The following HERC6 variants were observed in gnomAD, a reference collection of about 807,000 sequenced individuals.
The protein encoded by HERC6 is probable E3 ubiquitin-protein ligase HERC6.
In HERC6, 101 loss-of-function variants were observed where a neutral mutation model predicts 114.5. The ratio of observed to expected loss-of-function variants is 0.88; its 90% confidence interval spans 0.75 to 1.04. The LOEUF (loss-of-function observed/expected upper bound fraction) is 1.04. HERC6 is among the 50% of genes least tolerant of loss of function. The probability of loss-of-function intolerance (pLI) is 0.00; values close to 1 mark genes in which losing one functional copy is unlikely to be tolerated. For missense variants in HERC6, 1,133 were observed against 1,230.9 expected, an observed-to-expected ratio of 0.92 and a Z score of 1.19; for synonymous variants, 408 against 436.2, an observed-to-expected ratio of 0.94 and a Z score of 0.81.
chr4:88,379,179 T>G (rs1734027260), intron 1 of HERC6, 59 bp downstream of exon 1: 1 of 1,338,408 alleles, frequency 7.5e-7, no homozygotes, highest in African/African-American at 1.5e-5. Context: ...CGCGGGGGCT[T>G]GGGTACCGGG....
intron 14 of HERC6, 45 bp downstream of exon 14, chr4:88,424,018 G>A: frequency 1.1e-6 from 1 of 946,594 alleles, no homozygotes; most frequent in Non-Finnish European, 1.6e-6. Flanking sequence ...TATTTTAAAG[G>A]AAGACACATT....
At chr4:88,399,704 A>G in intron 8 of HERC6, 1 of 150,262 alleles carries the variant, frequency 6.7e-6, no homozygotes, top group Non-Finnish European at 1.5e-5. Context: ...CCAGGAGTGG[A>G]GGTTGCAGTG....
At chr4:88,431,087 G>C in intron 16 of HERC6, 75 bp from the exon 17 acceptor site, 3 of 1,303,040 alleles carry the variant, frequency 2.3e-6, no homozygotes, top group Non-Finnish European at 3.2e-6. Context: ...ATGGTCGTTA[G>C]AGGTTTAAAA....
At chr4:88,404,775 G>A in intron 8 of HERC6, 101 bp from the exon 9 acceptor site, 4 of 1,425,366 alleles carry the variant, frequency 2.8e-6, no homozygotes, top group African/African-American at 2.9e-5. Flanking sequence ...CCACCCAAGA[G>A]GGCAGGGCCT....
chr4:88,379,725 TAATATATAAATATATA>T (rs1268481074), intron 1 of HERC6, among the ~76,000 whole-genome samples: 8 of 27,616 alleles, frequency 2.9e-4, no homozygotes, highest in African/African-American at 1.7e-3. Flanking sequence ...TAAATATATA[TAATATATAAATATATA>T]AATATATAAC....
chr4:88,404,451 A>G (rs988189654), intron 8 of HERC6, among the ~76,000 whole-genome samples: 2 of 152,088 alleles, frequency 1.3e-5, no homozygotes, highest in Non-Finnish European at 2.9e-5. Flanking sequence ...AGCCTCCCAA[A>G]GTGCTGGGAT....
chr4:88,415,921 C>G (rs1036507090), intron 12 of HERC6, among the ~76,000 whole-genome samples: 22 of 152,170 alleles, frequency 1.4e-4, no homozygotes, highest in African/African-American at 4.6e-4. Context: ...GGTCTGGACA[C>G]AGGTGATGGC....
intron 16 of HERC6, 58 bp from the exon 17 acceptor site, chr4:88,431,104 T>C: frequency 6.7e-7 from 1 of 1,497,030 alleles, no homozygotes; most frequent in Non-Finnish European, 9.1e-7. Context: ...AAAACTTCCA[T>C]AAAGCTCAAA....
chr4:88,385,327 C>T (rs1428182258), intron 2 of HERC6, among the ~76,000 whole-genome samples, 172 bp from the exon 3 acceptor site: 1 of 152,012 alleles, frequency 6.6e-6, no homozygotes, highest in Non-Finnish European at 1.5e-5. Flanking sequence ...ATGTTAATGT[C>T]ATGTTAAAAA....
rs1735260467 is a variant in HERC6 at position 88,396,886 on chromosome 4, A to G, written c.923A>G (p.Gln308Arg). ...CTGGCATATGTGCACACCACTGGTC[A>G]GGTGGTATCTTTTGGTCATGGACCA... ...HTLAYVHTTG[Q>R]VVSFGHGPSD... The change falls in exon 7 of 23, where the codon CAG becomes CGG. Residue 308 changes from glutamine (Q) to arginine (R), a missense_variant. This residue lies in a region of HERC6 where 735 missense variants were observed against 754.0 expected (regional missense o/e 0.97). Coordinates refer to ENST00000264346, the MANE Select transcript of HERC6 (RefSeq NM_017912.4). The G allele has an allele frequency of 1.2e-6, 2 of 1,605,514 alleles. No individual in the cohort carries two copies. The highest frequency in any genetic ancestry group is 1.7e-5 in the Admixed American group (1 of 59,342).
chr4:88,417,574 C>T lies in HERC6; in HGVS notation c.1708C>T (p.His570Tyr). The T allele has an allele frequency of 6.2e-7, 1 of 1,612,240 alleles. No individual in the cohort carries two copies. Among genetic ancestry groups the T allele is most frequent in the Non-Finnish European group, 8.5e-7 (1 of 1,179,044 alleles). Reference protein sequence around the residue: ...KALLGMMKELHKVNKANCRLP... With the variant: ...KALLGMMKELYKVNKANCRLP... ...TCTTTTAGGAATGATGAAAGAACTG[C>T]ATAAGGTAAGGGTTACTCTAAAGGA... Residue 570 changes from histidine (H) to tyrosine (Y), a missense_variant, in exon 13 of 23, where the codon CAT becomes TAT. Around this residue, in one of 3 missense-constraint regions of HERC6, gnomAD observed 735 missense variants for 754.0 expected, o/e 0.97. Coordinates refer to ENST00000264346, the MANE Select transcript of HERC6 (RefSeq NM_017912.4).
chr4:88,434,765 CAA>C (rs761784879), intron 17 of HERC6, among the ~76,000 whole-genome samples: 5 of 103,270 alleles, frequency 4.8e-5, no homozygotes, highest in Admixed American at 9.4e-5. Context: ...AAAACAGAGA[CAA>C]AAAAAAAAAA....
chr4:88,397,036 A>G, intron 7 of HERC6, 49 bp downstream of exon 7: 1 of 1,556,696 alleles, frequency 6.4e-7, no homozygotes, highest in African/African-American at 1.4e-5. Context: ...TGCCACTGGA[A>G]GAGAACTAGT....
intron 15 of HERC6, 51 bp from the exon 16 acceptor site, chr4:88,428,529 G>A: frequency 7.2e-7 from 1 of 1,393,290 alleles, no homozygotes; most frequent in Non-Finnish European, 9.7e-7. Flanking sequence ...CAATCCTTGG[G>A]ATTCCTATGA....
chr4:88,421,666 G>A (rs1448307398), intron 13 of HERC6, among the ~76,000 whole-genome samples: 4 of 151,968 alleles, frequency 2.6e-5, no homozygotes, highest in African/African-American at 4.8e-5. Flanking sequence ...GACTGGTCCC[G>A]AACTCCTGAC....
At chr4:88,402,119 C>T (rs376321873) in intron 8 of HERC6, among the ~76,000 whole-genome samples, 28 of 152,172 alleles carry the variant, frequency 1.8e-4, no homozygotes, top group East Asian at 1.9e-4. Context: ...GAGATCCAGG[C>T]GGACAAAAGA....
chr4:88,390,198 A>AAAAAAG (rs1560535606), intron 3 of HERC6, among the ~76,000 whole-genome samples: 1 of 144,686 alleles, frequency 6.9e-6, no homozygotes, highest in Admixed American at 7.3e-5. Flanking sequence ...AAAAAAAAAA[A>AAAAAAG]AAAGAAAGTC....
intron 18 of HERC6, among the ~76,000 whole-genome samples, chr4:88,436,638 C>G (rs992105852): frequency 6.6e-6 from 1 of 152,170 alleles, no homozygotes; most frequent in African/African-American, 2.4e-5. Context: ...AAAGTCATCC[C>G]TGATTCAGAA....
rs1394782167 is a variant in HERC6, at chr4:88,379,650, A to ATAATATAT, written c.199+530_199+531insTAATATAT. Among the ~76,000 whole-genome samples the ATAATATAT allele has an allele frequency of 6.8e-5, 8 of 118,060 alleles. 1 individual carries two copies. Among genetic ancestry groups the ATAATATAT allele is most frequent in the African/African-American group, 2.4e-4 (7 of 29,450 alleles). 77.5% of individuals were successfully genotyped at this position (118,060 alleles called of 152,430 possible). ...TATATATATATAAAAATATATATATAAAATATATAAATATATATAATATAT... is the reference window on the plus strand; with the variant it reads ...TATATATATATAAAAATATATATATATAATATATAAATATATAAATATATATAATATAT... On this transcript the variant is annotated intron_variant, in intron 1 of 22. Coordinates refer to ENST00000264346, the MANE Select transcript of HERC6 (RefSeq NM_017912.4).
Sources: gnomAD v4.1 joint callset for allele counts (sites outside exome capture counted in the v4.1 genomes callset) on GRCh38, gnomAD v4.1.1 for gene constraint, gnomAD v4.1.1 regional missense constraint, MANE v1.5 for transcripts, NCBI Gene and HGNC (gene_info 2026-07-23, HGNC 2026-07-21) for gene names.